The following SEC63 variants were observed in gnomAD, a reference collection of about 807,000 sequenced individuals.
SEC63 encodes the protein translocation protein SEC63 homolog.
SEC63 carries 56 observed loss-of-function variants against 116.2 expected under a neutral mutation model. The ratio of observed to expected loss-of-function variants is 0.48; its 90% CI spans 0.39 to 0.60. The LOEUF (loss-of-function observed/expected upper bound fraction) is 0.60. Ranked by LOEUF, SEC63 falls within the 20% of genes least tolerant of loss-of-function variation. SEC63 has a pLI of 0.00. For missense variants in SEC63, 668 were observed against 900.0 expected, an observed-to-expected ratio of 0.74 and a Z score of 3.30; for synonymous variants, 273 against 294.6, an observed-to-expected ratio of 0.93 and a Z score of 0.75.
At chr6:107,896,633 A>G (rs1786838922) in intron 14 of SEC63, among the ~76,000 whole-genome samples, 2 of 152,298 alleles carry the variant, frequency 1.3e-5, no homozygotes, top group East Asian at 3.9e-4. Context: ...GACACACAAC[A>G]AGATTATGCA....
At chr6:107,932,827 T>C (rs113836249) in intron 1 of SEC63, among the ~76,000 whole-genome samples, 1,719 of 152,140 alleles carry the variant, frequency 0.011, 37 homozygotes, top group African/African-American at 0.039. Flanking sequence ...AATACCATTC[T>C]CCACTAACAG....
intron 16 of SEC63, among the ~76,000 whole-genome samples, chr6:107,884,756 C>A (rs951783724): frequency 1.3e-5 from 2 of 151,904 alleles, no homozygotes; most frequent in African/African-American, 4.8e-5. Context: ...GAATGACAAA[C>A]CAATATTTGC....
At chr6:107,924,318 C>T (rs1467496204) in intron 3 of SEC63, among the ~76,000 whole-genome samples, 1 of 149,964 alleles carries the variant, frequency 6.7e-6, no homozygotes, top group Non-Finnish European at 1.5e-5. Flanking sequence ...GTGGCTCACG[C>T]CTGTAATCCT....
intron 20 of SEC63, 28 bp from the exon 21 acceptor site, chr6:107,871,875 C>A: frequency 6.2e-7 from 1 of 1,611,368 alleles, no homozygotes; most frequent in Middle Eastern, 1.7e-4. Context: ...ATGTAGACAT[C>A]AGAAATTTGG....
At chr6:107,882,080 A>G (rs1281945930) in intron 17 of SEC63, among the ~76,000 whole-genome samples, 1 of 152,188 alleles carries the variant, frequency 6.6e-6, no homozygotes, top group East Asian at 1.9e-4. Context: ...TAATTCTCCA[A>G]GTACAAAAAC....
At chr6:107,927,504 G>T (rs1046065810) in intron 2 of SEC63, among the ~76,000 whole-genome samples, 1 of 152,076 alleles carries the variant, frequency 6.6e-6, no homozygotes, top group African/African-American at 2.4e-5. Flanking sequence ...AATGGTTTAT[G>T]ACCTTATCTA....
chr6:107,923,379 A>G (rs1184117995), intron 3 of SEC63, among the ~76,000 whole-genome samples: 3 of 152,088 alleles, frequency 2.0e-5, no homozygotes, highest in Non-Finnish European at 2.9e-5. Context: ...CTCCCAAAGT[A>G]CTGATATTAT....
At position 107,906,537 on chromosome 6, in the gene SEC63, G is replaced by A. The variant is rs1011287059; in HGVS notation, c.872C>T (p.Pro291Leu). 1.9e-6 allele frequency: 3 copies of A among 1,613,234 alleles called. No individual in the cohort carries two copies. Among genetic ancestry groups the A allele is most frequent in the African/African-American group, 1.3e-5 (1 of 74,852 alleles). ...IGSINLKKNE[P>L]PLTCPYSLKA... ...CAGGCTATATGGGCAGGTAAGTGGAGGCTCATTCTTCTTTAAATTAATGCT... is the reference window on the plus strand; with the variant it reads ...CAGGCTATATGGGCAGGTAAGTGGAAGCTCATTCTTCTTTAAATTAATGCT... The change falls in exon 10 of 21, where the codon CCT becomes CTT. Residue 291 changes from proline (P) to leucine (L), a missense_variant. Transcript: ENST00000369002.
At chr6:107,917,441 G>A (rs750870895) in intron 4 of SEC63, among the ~76,000 whole-genome samples, 9 of 152,074 alleles carry the variant, frequency 5.9e-5, no homozygotes, top group South Asian at 2.1e-4. Context: ...TGGTCTCGGC[G>A]GGCCTCTAAA....
At chr6:107,897,772 C>T (rs1429015452) in intron 13 of SEC63, 41 bp from the exon 14 acceptor site, 2 of 1,381,726 alleles carry the variant, frequency 1.4e-6, no homozygotes, top group East Asian at 2.3e-5. Context: ...AAATAAAAAT[C>T]AAGTTCTATG....
chr6:107,931,196 G>A (rs892773755), intron 1 of SEC63, among the ~76,000 whole-genome samples: 67 of 151,960 alleles, frequency 4.4e-4, no homozygotes, highest in African/African-American at 1.6e-3. Context: ...TACAAAATTA[G>A]CCAGGTGTGG....
intron 1 of SEC63, among the ~76,000 whole-genome samples, chr6:107,952,098 G>A (rs1405312117): frequency 1.3e-5 from 2 of 151,992 alleles, no homozygotes; most frequent in Non-Finnish European, 2.9e-5. Context: ...TTAATTGTCT[G>A]AAGAAATATT....
chr6:107,898,760 A>C (rs1786925120), intron 13 of SEC63, among the ~76,000 whole-genome samples: 1 of 152,164 alleles, frequency 6.6e-6, no homozygotes, highest in South Asian at 2.1e-4. Flanking sequence ...TGTGATCATT[A>C]ATTCATTTTT....
rs570558 is a variant in SEC63 at position 107,876,794 on chromosome 6, A to G, written c.1936-132T>C. The G allele has an allele frequency of 0.97, 629,179 of 649,214 alleles. 305,173 individuals carry two copies. The highest frequency in any genetic ancestry group is 0.99 in the African/African-American group (54,231 of 54,504). 40.2% of individuals were successfully genotyped at this position (649,214 alleles called of 1,614,324 possible). ...ACAAACTGCTTGGTACAAAATAGGTATTCAAATGAATATTTACTGAAAGAA... is the reference window on the plus strand; with the variant it reads ...ACAAACTGCTTGGTACAAAATAGGTGTTCAAATGAATATTTACTGAAAGAA... On this transcript the variant is annotated intron_variant, in intron 18 of 20. Coordinates refer to ENST00000369002, the MANE Select transcript of SEC63 (RefSeq NM_007214.5).
intron 14 of SEC63, among the ~76,000 whole-genome samples, chr6:107,897,430 A>T (rs1786881598): frequency 6.6e-6 from 1 of 152,238 alleles, no homozygotes; most frequent in Non-Finnish European, 1.5e-5. Context: ...TATGTTTTAT[A>T]GAGAATTAAA....
intron 1 of SEC63, chr6:107,932,284 T>C (rs1046218856): frequency 6.6e-6 from 1 of 152,192 alleles, no homozygotes; most frequent in Non-Finnish European, 1.5e-5. Context: ...TTATAATTTT[T>C]TTTTACCATA....
intron 1 of SEC63, among the ~76,000 whole-genome samples, chr6:107,954,406 T>TA (rs1473879641): frequency 7.0e-6 from 1 of 142,734 alleles, no homozygotes; most frequent in East Asian, 2.0e-4. Flanking sequence ...CTCCCTCCAC[T>TA]ATTGTCCTAT....
intron 1 of SEC63, among the ~76,000 whole-genome samples, chr6:107,941,622 C>A (rs1292809439): frequency 6.6e-6 from 1 of 152,168 alleles, no homozygotes; most frequent in African/African-American, 2.4e-5. Flanking sequence ...CTTTTTAGTT[C>A]TATTTAGGAA....
chr6:107,942,579 T>C (rs1159293265), intron 1 of SEC63, among the ~76,000 whole-genome samples: 1 of 152,106 alleles, frequency 6.6e-6, no homozygotes. Flanking sequence ...ATAAACAAAG[T>C]AAATTATATA....
Sources: allele counts gnomAD v4.1 joint callset (sites outside exome capture counted in the v4.1 genomes callset), GRCh38; gene constraint gnomAD v4.1.1; transcripts MANE v1.5; gene names NCBI Gene and HGNC (gene_info 2026-07-23, HGNC 2026-07-21).